The following ATP6AP1 variants were observed in gnomAD, a reference collection of about 807,000 sequenced individuals.
ATP6AP1 encodes the protein ATPase H+ transporting accessory protein 1, also known as V-type proton ATPase subunit S1.
In ATP6AP1, 1 loss-of-function variant was observed where a neutral mutation model predicts 32.0. The ratio of observed to expected loss-of-function variants is 0.03; its 90% CI spans 0.01 to 0.15. The LOEUF (loss-of-function observed/expected upper bound fraction) is 0.15, where lower values mean the gene tolerates loss of function less well. Ranked by LOEUF, ATP6AP1 falls within the 10% of genes least tolerant of loss-of-function variation. The probability of loss-of-function intolerance (pLI) is 1.00; values close to 1 mark genes in which losing one functional copy is unlikely to be tolerated. For synonymous variants in ATP6AP1, 187 were observed against 174.9 expected (o/e 1.07, Z -0.55); for missense variants, 297 against 398.8 (o/e 0.74, Z 2.17).
chrX:154,432,208 C>A, intron 3 of ATP6AP1, 58 bp from the exon 4 acceptor site: 1 of 1,059,103 alleles, frequency 9.4e-7, no homozygotes, highest in Non-Finnish European at 1.3e-6. Flanking sequence ...GTGTGGGGGG[C>A]TGGGCCAGGC....
chrX:154,433,373 G>A (rs1490210731), intron 5 of ATP6AP1, among the ~76,000 whole-genome samples: 1 of 112,346 alleles, frequency 8.9e-6, no homozygotes, highest in Admixed American at 9.4e-5. Context: ...TGGATGTGGA[G>A]TTTTCTGTAT....
chrX:154,435,905 G>GT lies in ATP6AP1; in HGVS notation c.*14_*15insT, dbSNP rs1162964316. On this transcript the variant is annotated 3_prime_UTR_variant, in exon 10 of 10. Transcript: ENST00000369762. ...CAGATTGTGTGACCCTGTGCCAGTGGGGGGGTTGAGGGTGGGACGGTGTCC... is the reference window on the plus strand; with the variant it reads ...CAGATTGTGTGACCCTGTGCCAGTGGTGGGGGTTGAGGGTGGGACGGTGTCC... The GT allele has an allele frequency of 1.7e-6, 2 of 1,195,121 alleles. No homozygotes were observed. The highest frequency in any genetic ancestry group is 3.5e-5 in the African/African-American group (2 of 56,724).
At chrX:154,432,010 C>G in intron 3 of ATP6AP1, 106 bp downstream of exon 3, 2 of 897,063 alleles carry the variant, frequency 2.2e-6, no homozygotes, top group Non-Finnish European at 3.2e-6. Flanking sequence ...GGGTCTGAGT[C>G]TCTTCTGGGT....
At chrX:154,435,627 G>A (rs2068715302) in intron 9 of ATP6AP1, 55 bp from the exon 10 acceptor site, 1 of 1,191,278 alleles carries the variant, frequency 8.4e-7, no homozygotes, top group South Asian at 1.8e-5. Context: ...CCCTGTCCCA[G>A]TTCTTGCTGG....
chrX:154,429,273 G>T, intron 2 of ATP6AP1, 99 bp downstream of exon 2: 2 of 1,052,352 alleles, frequency 1.9e-6, no homozygotes, highest in South Asian at 2.1e-5. Flanking sequence ...AAGCTTCAGT[G>T]ACCTTGTCCC....
chrX:154,432,201 T>C, intron 3 of ATP6AP1, 65 bp from the exon 4 acceptor site: 4 of 1,035,904 alleles, frequency 3.9e-6, no homozygotes, highest in Admixed American at 2.7e-5. Context: ...CAGAGAGGTG[T>C]GGGGGGCTGG....
In ATP6AP1 at chrX:154,434,581, G is replaced by C; in HGVS notation, c.923+135G>C. The stretch of plus-strand genomic sequence containing the variant: ...ATGGCCATGGTCTGGTTGGGGTCTG[G>C]GCAGCGTGAGGATGTAGGAGGTGTC... On this transcript the variant is annotated intron_variant, in intron 7 of 9. Transcript: ENST00000369762. The C allele has an allele frequency of 4.9e-6, 3 of 608,141 alleles. No individual in the cohort carries two copies. In the African/African-American group the frequency reaches 6.7e-5, roughly 14 times the overall value. 50.1% of individuals were successfully genotyped at this position (608,141 alleles called of 1,213,427 possible). A position where few individuals can be genotyped will look rare whatever the true frequency, so the allele number is the denominator to read the frequency against.
chrX:154,428,735 C>T lies in ATP6AP1; in HGVS notation c.43C>T (p.Arg15Trp), dbSNP rs201620814. 1,075 of 1,147,136 alleles carry T rather than the reference C, an allele frequency of 9.4e-4. 4 individuals are homozygous for T. The highest frequency in any genetic ancestry group is 3.9e-3 in the South Asian group (200 of 51,885). The allele number at this position is 1,147,136 out of a possible 1,213,427, so 94.5% of individuals were successfully genotyped here. A position where few individuals can be genotyped will look rare whatever the true frequency, so the allele number is the denominator to read the frequency against. The change falls in exon 1 of 10, where the codon CGG becomes TGG. Residue 15 changes from arginine (R) to tryptophan (W), a missense_variant. Coordinates refer to ENST00000369762, the MANE Select transcript of ATP6AP1 (RefSeq NM_001183.6). ...MATARVRMGP[R>W]CAQALWRMPW... ...GACGGCTCGAGTGCGGATGGGGCCG[C>T]GGTGCGCCCAGGCGCTCTGGCGCAT...
rs1341933553 is a variant in ATP6AP1 at position 154,428,862 on chromosome X, G to A, written c.161+9G>A. On this transcript the variant is annotated intron_variant, in intron 1 of 9. Coordinates refer to ENST00000369762, the MANE Select transcript of ATP6AP1 (RefSeq NM_001183.6). ...CTGTGGTCGAGTGACCGGTGAGCGG[G>A]CCGGGGTGGGATGCGCTGTGGCGGC... 3 of 1,087,950 alleles carry A rather than the reference G, an allele frequency of 2.8e-6. No homozygotes were observed. The highest frequency in any genetic ancestry group is 3.6e-6 in the Non-Finnish European group (3 of 844,177). The allele number at this position is 1,087,950 out of a possible 1,213,427, so 89.7% of individuals were successfully genotyped here. A position where few individuals can be genotyped will look rare whatever the true frequency, so the allele number is the denominator to read the frequency against.
In ATP6AP1 at chrX:154,433,617, C is replaced by A. The variant is rs782702726; in HGVS notation, c.599-18C>A. 4.1e-6 allele frequency: 5 copies of A among 1,207,750 alleles called. No homozygotes were observed. Among genetic ancestry groups the A allele is most frequent in the Non-Finnish European group, 5.6e-6 (5 of 891,567 alleles). Reference sequence around the variant, plus strand: ...GTGCCTGGTGACCTGAGTCTCTGCTCTCCTTGTTGACCCTCAGATGAGGTC... The same window carrying A: ...GTGCCTGGTGACCTGAGTCTCTGCTATCCTTGTTGACCCTCAGATGAGGTC... On this transcript the variant is annotated intron_variant, in intron 5 of 9. Coordinates refer to ENST00000369762, the MANE Select transcript of ATP6AP1 (RefSeq NM_001183.6).
At chrX:154,430,968 G>A (rs1468905203) in intron 2 of ATP6AP1, 1 of 111,192 alleles carries the variant, frequency 9.0e-6, no homozygotes, top group Non-Finnish European at 1.9e-5. Context: ...CCATGAGGGG[G>A]AAGGTCAGTT....
At chrX:154,431,774 C>T in intron 2 of ATP6AP1, 56 bp from the exon 3 acceptor site, 1 of 1,148,941 alleles carries the variant, frequency 8.7e-7, no homozygotes, top group Non-Finnish European at 1.2e-6. Context: ...TGTCCCCTGC[C>T]TTGGCCCCCA....
rs782301988 is a variant in ATP6AP1, at chrX:154,435,822, C to T, written c.1344C>T (p.Leu448=). The change falls in exon 10 of 10, where the codon CTC becomes CTT. Residue 448 remains leucine, a synonymous_variant. Coordinates refer to ENST00000369762, the MANE Select transcript of ATP6AP1 (RefSeq NM_001183.6). ...FIFTYGLHMI[L]SLKTMDRFDD... ...TCACCTATGGCCTGCACATGATCCTCAGCCTCAAGACCATGGATCGCTTTG... is the reference window on the plus strand; with the variant it reads ...TCACCTATGGCCTGCACATGATCCTTAGCCTCAAGACCATGGATCGCTTTG... 2.6e-5 allele frequency: 31 copies of T among 1,212,024 alleles called. No homozygotes were observed. In the South Asian group the frequency reaches 5.4e-4, roughly 21 times the overall value.
rs2068716418 is a variant in ATP6AP1, at chrX:154,435,795, C to T, written c.1317C>T (p.Ile439=). 5.0e-6 allele frequency: 6 copies of T among 1,211,939 alleles called. No homozygotes were observed. The East Asian group carries it at 1.8e-4, about 36-fold the overall frequency. ...GLLTSLFMLF[I]FTYGLHMILS... ...TCACCTCCCTGTTCATGCTCTTCAT[C>T]TTCACCTATGGCCTGCACATGATCC... is the stretch of plus-strand genomic sequence containing the variant. Residue 439 remains isoleucine (I), a synonymous_variant, in exon 10 of 10, where the codon ATC becomes ATT. Coordinates refer to ENST00000369762, the MANE Select transcript of ATP6AP1 (RefSeq NM_001183.6).
Position 154,435,902 on chromosome X carries a change from G to A in ATP6AP1, c.*11G>A, listed in dbSNP as rs1398452234. ...ACCCAGATTGTGTGACCCTGTGCCA[G>A]TGGGGGGGTTGAGGGTGGGACGGTG... On this transcript the variant is annotated 3_prime_UTR_variant, in exon 10 of 10. Coordinates refer to ENST00000369762, the MANE Select transcript of ATP6AP1 (RefSeq NM_001183.6). 8.4e-7 allele frequency: 1 copy of A among 1,196,638 alleles called. No individual in the cohort carries two copies. The highest frequency in any genetic ancestry group is 1.9e-5 in the African/African-American group (1 of 52,420).
At position 154,435,813 on chromosome X, in the gene ATP6AP1, C is replaced by T. The variant is rs782335202; in HGVS notation, c.1335C>T (p.His445=). 3 of 1,211,904 alleles carry T rather than the reference C, an allele frequency of 2.5e-6. No individual in the cohort carries two copies. Among genetic ancestry groups the T allele is most frequent in the Non-Finnish European group, 3.4e-6 (3 of 895,443 alleles). ...FMLFIFTYGL[H]MILSLKTMDR... ...TCTTCATCTTCACCTATGGCCTGCA[C>T]ATGATCCTCAGCCTCAAGACCATGG... The change falls in exon 10 of 10, where the codon CAC becomes CAT. Residue 445 remains histidine, a synonymous_variant. Coordinates refer to ENST00000369762, the MANE Select transcript of ATP6AP1 (RefSeq NM_001183.6).
intron 6 of ATP6AP1, among the ~76,000 whole-genome samples, 164 bp from the exon 7 acceptor site, chrX:154,434,044 G>C (rs1426630028): frequency 9.0e-6 from 1 of 111,606 alleles, no homozygotes; most frequent in Non-Finnish European, 1.9e-5. Flanking sequence ...GGTTTAGGGG[G>C]CATCAGGGAA....
Position 154,434,247 on chromosome X carries a change from C to T in ATP6AP1, c.724C>T (p.Arg242Cys). ...DVAVVAGGLG[R>C]QLLQKQPVSP... ...AGCCGTGGTGGCCGGAGGGCTAGGT[C>T]GCCAGCTGCTACAAAAACAGCCAGT... The change falls in exon 7 of 10, where the codon CGC (arginine) becomes TGC (cysteine). Residue 242 changes from arginine to cysteine, a missense_variant. Arg to Cys is a radical substitution (Grantham distance 180). Coordinates refer to ENST00000369762, the MANE Select transcript of ATP6AP1 (RefSeq NM_001183.6). 2 of 1,211,496 alleles carry T rather than the reference C, an allele frequency of 1.7e-6. No homozygotes were observed. The highest frequency in any genetic ancestry group is 3.0e-5 in the East Asian group (1 of 33,833).
At chrX:154,432,597 G>A (rs781961520) in intron 4 of ATP6AP1, 138 bp downstream of exon 4, 2 of 910,010 alleles carry the variant, frequency 2.2e-6, no homozygotes, top group Non-Finnish European at 2.9e-6. Flanking sequence ...AAGGTGCCCT[G>A]TGTGGCCAGA....
Sources: allele counts gnomAD v4.1 joint callset (sites outside exome capture counted in the v4.1 genomes callset), GRCh38; gene constraint gnomAD v4.1.1; transcripts MANE v1.5; gene names NCBI Gene and HGNC (gene_info 2026-07-23, HGNC 2026-07-21).